TMEM38B: variants seen among roughly 807,000 people sequenced by gnomAD.
TMEM38B encodes trimeric intracellular cation channel type B.
A neutral mutation model predicts 28.7 loss-of-function variants in TMEM38B; 24 were observed. The observed-to-expected ratio is 0.84, with a 90% CI of 0.61 to 1.18. The LOEUF (loss-of-function observed/expected upper bound fraction) is 1.18. Among genes scored for constraint, TMEM38B ranks in the 50% most tolerant of loss-of-function variants. The pLI is 0.00. For synonymous variants in TMEM38B, 131 were observed against 127.7 expected, an observed-to-expected ratio of 1.03 and a Z score of -0.17; for missense variants, 380 against 350.9, an observed-to-expected ratio of 1.08 and a Z score of -0.66.
At chr9:105,716,018 C>T (rs999261609) in intron 2 of TMEM38B, among the ~76,000 whole-genome samples, 1 of 152,174 alleles carries the variant, frequency 6.6e-6, no homozygotes, top group Non-Finnish European at 1.5e-5. Context: ...ATTTTCTTGA[C>T]TTCACAGAGC....
intron 5 of TMEM38B, chr9:105,760,463 T>C (rs528624881): frequency 5.4e-6 from 4 of 738,990 alleles, no homozygotes; most frequent in Non-Finnish European, 9.9e-6. Context: ...TTTGTTCCTT[T>C]GCCAACTTAT....
At chr9:105,755,260 A>T (rs1034217515) in intron 5 of TMEM38B, among the ~76,000 whole-genome samples, 2 of 152,182 alleles carry the variant, frequency 1.3e-5, no homozygotes, top group Non-Finnish European at 2.9e-5. Context: ...AATATTGAAA[A>T]GGAGAGACTC....
chr9:105,760,270 C>T (rs1337312938), intron 5 of TMEM38B: 29 of 792,704 alleles, frequency 3.7e-5, no homozygotes, highest in East Asian at 2.4e-5. Flanking sequence ...TACCTTTTCT[C>T]GATGTGTGCT....
At chr9:105,742,908 C>T (rs1837256678) in intron 4 of TMEM38B, among the ~76,000 whole-genome samples, 1 of 151,796 alleles carries the variant, frequency 6.6e-6, no homozygotes, top group African/African-American at 2.4e-5. Flanking sequence ...AATTGATAAC[C>T]ATAATTTGGG....
intron 2 of TMEM38B, among the ~76,000 whole-genome samples, chr9:105,709,981 A>C (rs912707357): frequency 6.6e-6 from 1 of 152,216 alleles, no homozygotes; most frequent in Non-Finnish European, 1.5e-5. Flanking sequence ...CCTATTACCC[A>C]TGAATCAATA....
chr9:105,728,338 C>T (rs972637863), intron 4 of TMEM38B, among the ~76,000 whole-genome samples: 13 of 151,082 alleles, frequency 8.6e-5, no homozygotes, highest in Admixed American at 3.3e-4. Context: ...TGAGAACATG[C>T]GGTGTTTGGT....
At chr9:105,710,881 A>G in intron 2 of TMEM38B, 1 of 292,068 alleles carries the variant, frequency 3.4e-6, no homozygotes, top group South Asian at 3.7e-5. Flanking sequence ...GGGCTCCGCT[A>G]TGGCAACCGC....
chr9:105,765,788 A>G (rs1048458802), intron 5 of TMEM38B, among the ~76,000 whole-genome samples: 3 of 151,926 alleles, frequency 2.0e-5, no homozygotes, highest in African/African-American at 4.8e-5. Flanking sequence ...ACACAGACAC[A>G]TATTTTCTTT....
At chr9:105,730,460 G>C (rs975732971) in intron 4 of TMEM38B, among the ~76,000 whole-genome samples, 1 of 152,114 alleles carries the variant, frequency 6.6e-6, no homozygotes, top group African/African-American at 2.4e-5. Flanking sequence ...TGTGCTGCTG[G>C]ATTTGGTTTG....
intron 1 of TMEM38B, among the ~76,000 whole-genome samples, chr9:105,704,685 G>T (rs1337428410): frequency 3.3e-5 from 5 of 152,118 alleles, no homozygotes; most frequent in African/African-American, 1.2e-4. Context: ...CAGCACTTTG[G>T]GAGGCCGAGG....
intron 5 of TMEM38B, among the ~76,000 whole-genome samples, chr9:105,769,629 G>C (rs1229988315): frequency 6.6e-6 from 1 of 152,122 alleles, no homozygotes; most frequent in East Asian, 1.9e-4. Context: ...AGGCACTCCT[G>C]CAAATGTTCT....
intron 1 of TMEM38B, among the ~76,000 whole-genome samples, chr9:105,703,607 C>A (rs1014538831): frequency 2.0e-5 from 3 of 152,122 alleles, no homozygotes; most frequent in African/African-American, 7.2e-5. Flanking sequence ...GTTCTAGATC[C>A]CTGAGTAATC....
chr9:105,705,567 C>T (rs944512098), intron 1 of TMEM38B, 30 bp from the exon 2 acceptor site: 3 of 1,597,730 alleles, frequency 1.9e-6, no homozygotes, highest in African/African-American at 2.7e-5. Flanking sequence ...GTATAATGAT[C>T]ACAGACCATA....
rs890152629 is a variant in TMEM38B at position 105,760,784 on chromosome 9, G to A, written c.660+12594G>A. ...AATTAAAAATTATGTAATACTTGTG[G>A]AACTTTGATAAATGAAGCCATATCT... On this transcript the variant is annotated intron_variant, in intron 5 of 5. Coordinates refer to ENST00000374692, the MANE Select transcript of TMEM38B (RefSeq NM_018112.3). 11 of 908,920 alleles carry A rather than the reference G, an allele frequency of 1.2e-5. No individual in the cohort carries two copies. The African/African-American group carries it at 1.7e-4, about 14-fold the overall frequency. The allele number at this position is 908,920 out of a possible 1,614,324, so 56.3% of individuals were successfully genotyped here.
chr9:105,732,211 C>T (rs1180019368), intron 4 of TMEM38B, among the ~76,000 whole-genome samples: 1 of 152,146 alleles, frequency 6.6e-6, no homozygotes, highest in African/African-American at 2.4e-5. Context: ...GATATTAGCA[C>T]TTTGTCAGAT....
intron 5 of TMEM38B, among the ~76,000 whole-genome samples, chr9:105,762,084 G>C (rs1040311601): frequency 1.3e-5 from 2 of 151,544 alleles, no homozygotes; most frequent in African/African-American, 2.4e-5. Flanking sequence ...ATAATGCCTG[G>C]GTTGCAATAA....
chr9:105,770,695 A>T (rs1826516877), intron 5 of TMEM38B, among the ~76,000 whole-genome samples: 1 of 151,988 alleles, frequency 6.6e-6, no homozygotes, highest in South Asian at 2.1e-4. Flanking sequence ...GCCGTTAGGG[A>T]TTCATTTTAG....
At chr9:105,773,611 A>T (rs1826630731) in intron 5 of TMEM38B, among the ~76,000 whole-genome samples, 1 of 152,156 alleles carries the variant, frequency 6.6e-6, no homozygotes, top group African/African-American at 2.4e-5. Flanking sequence ...TACTAAATGC[A>T]TTTTTGTGAA....
chr9:105,743,604 A>C (rs1837282951), intron 4 of TMEM38B, among the ~76,000 whole-genome samples: 1 of 152,194 alleles, frequency 6.6e-6, no homozygotes, highest in African/African-American at 2.4e-5. Context: ...TTAAGCATTA[A>C]TATATTAGCT....
Sources: gnomAD v4.1 joint callset for allele counts (sites outside exome capture counted in the v4.1 genomes callset) on GRCh38, gnomAD v4.1.1 for gene constraint, MANE v1.5 for transcripts, NCBI Gene and HGNC (gene_info 2026-07-23, HGNC 2026-07-21) for gene names.